CACNA2D1: variants seen among roughly 807,000 people sequenced by gnomAD.
CACNA2D1 encodes calcium voltage-gated channel auxiliary subunit alpha2delta 1, also known as voltage-dependent calcium channel subunit alpha-2/delta-1.
In CACNA2D1, 53 loss-of-function variants were observed where a neutral mutation model predicts 171.5. The observed-to-expected ratio is 0.31, with a 90% CI of 0.25 to 0.39. The LOEUF is 0.39. CACNA2D1 is among the 10% of genes least tolerant of loss of function. The pLI, the probability that CACNA2D1 is intolerant of heterozygous loss-of-function variation, is 1.00. For synonymous variants in CACNA2D1, 442 were observed against 443.1 expected (o/e 1.00, Z 0.03); for missense variants, 903 against 1,299.8 (o/e 0.69, Z 4.69).
At chr7:82,114,760 G>GAAAA (rs34240770) in intron 6 of CACNA2D1, among the ~76,000 whole-genome samples, 12 of 103,050 alleles carry the variant, frequency 1.2e-4, no homozygotes, top group Non-Finnish European at 1.9e-4. Flanking sequence ...CGTCCCAGAA[G>GAAAA]AAAAAAAAAA....
At position 81,955,077 on chromosome 7, in the gene CACNA2D1, G is replaced by T. The variant is rs770493441; in HGVS notation, c.3159+4198C>A. ...CAGAATTGGCTTGCTTTACTTCTTT[G>T]ATTAATAAATGTTAGCTTTTTGAGT... On this transcript the variant is annotated intron_variant, in intron 38 of 38. Transcript: ENST00000356860. Among the ~76,000 whole-genome samples the T allele has an allele frequency of 5.7e-4, 87 of 152,090 alleles. 1 individual carries two copies. The highest frequency in any genetic ancestry group is 3.4e-3 in the Middle Eastern group (1 of 294).
intron 10 of CACNA2D1, among the ~76,000 whole-genome samples, chr7:82,055,930 G>GTGTA (rs71093357): frequency 1.7e-4 from 19 of 111,460 alleles, no homozygotes; most frequent in South Asian, 6.5e-4. Context: ...GTGTGTGTGT[G>GTGTA]TATATATATA....
chr7:82,163,840 G>C (rs1025933593), intron 4 of CACNA2D1, among the ~76,000 whole-genome samples: 5 of 151,962 alleles, frequency 3.3e-5, no homozygotes, highest in Non-Finnish European at 5.9e-5. Flanking sequence ...GAACACCTGA[G>C]ACAAACCCTG....
At chr7:82,199,005 T>G (rs1404017823) in intron 3 of CACNA2D1, among the ~76,000 whole-genome samples, 1 of 152,118 alleles carries the variant, frequency 6.6e-6, no homozygotes, top group Admixed American at 6.6e-5. Flanking sequence ...CCTGCCTCTG[T>G]CTTTATGGAA....
chr7:82,100,799 G>C (rs1812586464), intron 6 of CACNA2D1, among the ~76,000 whole-genome samples: 1 of 150,632 alleles, frequency 6.6e-6, no homozygotes, highest in Non-Finnish European at 1.5e-5. Context: ...TTTTATTTTA[G>C]ACCAAGATTG....
At chr7:82,338,002 A>C (rs764848624) in intron 2 of CACNA2D1, among the ~76,000 whole-genome samples, 4 of 152,188 alleles carry the variant, frequency 2.6e-5, no homozygotes, top group Non-Finnish European at 4.4e-5. Flanking sequence ...TTTGTGAGAT[A>C]GCCAAAAAAA....
chr7:82,150,446 T>C (rs3801746), intron 4 of CACNA2D1, among the ~76,000 whole-genome samples: 65,272 of 149,036 alleles, frequency 0.44, 16,216 homozygotes, highest in African/African-American at 0.7. Context: ...AAAATTGAAA[T>C]CTCTAGTACA....
At chr7:81,951,969 GTTTTTTT>G (rs774805421) in intron 38 of CACNA2D1, among the ~76,000 whole-genome samples, 28 of 71,906 alleles carry the variant, frequency 3.9e-4, no homozygotes, top group African/African-American at 7.3e-4. Flanking sequence ...TGTACAAAGT[GTTTTTTT>G]TTTTTTTTTT....
chr7:82,028,112 T>C (rs1166555007), intron 12 of CACNA2D1: 2 of 151,830 alleles, frequency 1.3e-5, no homozygotes, highest in East Asian at 3.9e-4. Context: ...GCTTCAAAGC[T>C]TCAAAGGACA....
In CACNA2D1 at chr7:82,406,210, T is replaced by C. The variant is rs369384849; in HGVS notation, c.95+37155A>G. Among the ~76,000 whole-genome samples the C allele has an allele frequency of 6.6e-5, 10 of 151,108 alleles. No homozygotes were observed. The East Asian group carries it at 1.2e-3, about 18-fold the overall frequency. On this transcript the variant is annotated intron_variant, in intron 1 of 38. Coordinates refer to ENST00000356860, the MANE Select transcript of CACNA2D1 (RefSeq NM_000722.4). ...CAGCTTCATCCATGTCCCTACAAAG[T>C]AGGACATGAACTCATCATTTTTTAT...
chr7:82,088,747 A>G (rs1367614554), intron 6 of CACNA2D1, among the ~76,000 whole-genome samples: 4 of 152,114 alleles, frequency 2.6e-5, no homozygotes. Context: ...ATAAATTGGT[A>G]TTATTTAAAA....
At chr7:82,303,715 T>C (rs935572763) in intron 3 of CACNA2D1, among the ~76,000 whole-genome samples, 2 of 151,998 alleles carry the variant, frequency 1.3e-5, no homozygotes, top group African/African-American at 4.8e-5. Context: ...AAAAATCAAC[T>C]AAAGAGGGAT....
At chr7:82,314,983 T>C (rs1814934558) in intron 3 of CACNA2D1, among the ~76,000 whole-genome samples, 1 of 148,714 alleles carries the variant, frequency 6.7e-6, no homozygotes, top group Non-Finnish European at 1.5e-5. Context: ...ATCTTTTTTT[T>C]TTTTTTTTTT....
chr7:82,066,450 C>T lies in CACNA2D1; in HGVS notation c.728+5G>A. The T allele has an allele frequency of 6.2e-7, 1 of 1,609,412 alleles. No homozygotes were observed. Among genetic ancestry groups the T allele is most frequent in the Non-Finnish European group, 8.5e-7 (1 of 1,178,418 alleles). ...ATCTTTTCATGGCTAGCTAAAAATT[C>T]TTACCATGGTCTTCTGCGTACATCA... On this transcript the variant is annotated splice_donor_5th_base_variant and intron_variant, in intron 8 of 38. Coordinates refer to ENST00000356860, the MANE Select transcript of CACNA2D1 (RefSeq NM_000722.4).
intron 7 of CACNA2D1, among the ~76,000 whole-genome samples, chr7:82,077,203 G>A (rs1231738367): frequency 6.6e-6 from 1 of 152,112 alleles, no homozygotes; most frequent in Non-Finnish European, 1.5e-5. Context: ...CCATAGCAGA[G>A]ATGCTTTTTG....
At chr7:82,349,440 A>G in intron 2 of CACNA2D1, 128 bp downstream of exon 2, 1 of 829,042 alleles carries the variant, frequency 1.2e-6, no homozygotes, top group Non-Finnish European at 2.1e-6. Flanking sequence ...TTCTCTCAGA[A>G]TTTCACCACC....
intron 3 of CACNA2D1, among the ~76,000 whole-genome samples, chr7:82,288,419 CTA>C (rs1402612735): frequency 8.0e-5 from 6 of 74,858 alleles, no homozygotes; most frequent in South Asian, 5.0e-4. Context: ...TATTTTGCTT[CTA>C]TACACACACA....
intron 7 of CACNA2D1, among the ~76,000 whole-genome samples, chr7:82,069,431 T>C (rs1808052281): frequency 6.6e-6 from 1 of 152,200 alleles, no homozygotes; most frequent in South Asian, 2.1e-4. Flanking sequence ...CTTTTTTGAA[T>C]GTCATCATTA....
intron 10 of CACNA2D1, among the ~76,000 whole-genome samples, chr7:82,040,786 C>T (rs530312445): frequency 3.9e-5 from 6 of 152,134 alleles, no homozygotes; most frequent in Non-Finnish European, 8.8e-5. Context: ...ACCAGCCTGA[C>T]CAACATGGAG....
Sources: gnomAD v4.1 joint callset for allele counts (sites outside exome capture counted in the v4.1 genomes callset) on GRCh38, gnomAD v4.1.1 for gene constraint, MANE v1.5 for transcripts, NCBI Gene and HGNC (gene_info 2026-07-23, HGNC 2026-07-21) for gene names.